Variants in SCARB1 observed in about 807,000 individuals in gnomAD.
SCARB1 encodes CD36 and LIMPII analogous 1.
Under a neutral mutation model 57.2 loss-of-function variants are expected in SCARB1, and 30 were observed. That is an observed-to-expected ratio of 0.52 (90% confidence interval 0.39 to 0.71). The LOEUF (loss-of-function observed/expected upper bound fraction) is 0.71, where lower values mean the gene tolerates loss of function less well. Among genes scored for constraint, SCARB1 ranks in the 30% least tolerant of loss-of-function variants. The pLI is 0.00. For synonymous variants in SCARB1, 249 were observed against 268.3 expected (o/e 0.93, Z 0.70); for missense variants, 543 against 671.2 (o/e 0.81, Z 2.11).
At chr12:124,790,732 A>C (rs1295246135) in intron 9 of SCARB1, among the ~76,000 whole-genome samples, 2 of 152,162 alleles carry the variant, frequency 1.3e-5, no homozygotes, top group Non-Finnish European at 2.9e-5. Flanking sequence ...TCTAGCAGAA[A>C]AGGCAGTGTG....
Position 124,812,810 on chromosome 12 carries a change from ATCCCGGGTGTG to A in SCARB1, c.631-856_631-846del, listed in dbSNP as rs1187183918. Reference sequence around the variant, plus strand: ...ACCCAGCACAAGGCCCCAGCCCAGCATCCCGGGTGTGTCTGTCACGTGCCCATGTGGAGCCA... The same window carrying A: ...ACCCAGCACAAGGCCCCAGCCCAGCATCTGTCACGTGCCCATGTGGAGCCA... On this transcript the variant is annotated intron_variant, in intron 4 of 12. Coordinates refer to ENST00000261693, the MANE Select transcript of SCARB1 (RefSeq NM_005505.5). The surrounding 1 kb of genome is among the most constrained non-coding windows in gnomAD (Gnocchi z 4.3). Among the ~76,000 whole-genome samples the A allele has an allele frequency of 1.3e-5, 2 of 152,144 alleles. No homozygotes were observed. Among genetic ancestry groups the A allele is most frequent in the African/African-American group, 4.8e-5 (2 of 41,434 alleles).
Position 124,809,704 on chromosome 12 carries a change from C to T in SCARB1, c.842+470G>A, listed in dbSNP as rs532385775. On this transcript the variant is annotated intron_variant, in intron 6 of 12. Coordinates refer to ENST00000261693, the MANE Select transcript of SCARB1 (RefSeq NM_005505.5). The stretch of plus-strand genomic sequence containing the variant: ...TTTCCAGAGTGACCAGAATGGAACA[C>T]GACACAGCAAGGCCTCCAGAAAAGG... Among the ~76,000 whole-genome samples the T allele has an allele frequency of 4.6e-5, 7 of 152,276 alleles. No individual in the cohort carries two copies. The South Asian group carries it at 8.3e-4, about 18-fold the overall frequency.
intron 1 of SCARB1, among the ~76,000 whole-genome samples, chr12:124,834,075 G>A (rs570960005): frequency 1.2e-4 from 19 of 152,306 alleles, no homozygotes; most frequent in East Asian, 5.8e-4. Context: ...AACACAAACC[G>A]AGGCCCGCCC....
intron 9 of SCARB1, among the ~76,000 whole-genome samples, chr12:124,794,400 C>CTTTT (rs3043265): frequency 7.5e-5 from 9 of 119,862 alleles, no homozygotes; most frequent in African/African-American, 9.9e-5. Flanking sequence ...TTGAAAAATT[C>CTTTT]TTTTTTTTTT....
At chr12:124,788,585 G>T (rs1261922296) in intron 9 of SCARB1, among the ~76,000 whole-genome samples, 1 of 152,224 alleles carries the variant, frequency 6.6e-6, no homozygotes, top group Non-Finnish European at 1.5e-5. Context: ...GAAGCCATGT[G>T]TTGGGAAAAT....
In SCARB1 at chr12:124,796,832, G is replaced by A. The variant is rs778478664; in HGVS notation, c.1129-1564C>T. 2.6e-5 allele frequency among the ~76,000 whole-genome samples: 4 copies of A among 152,320 alleles called. No homozygotes were observed. Among genetic ancestry groups the A allele is most frequent in the South Asian group, 2.1e-4 (1 of 4,828 alleles). ...TGGTGGGATGGGCATGAGATCACCC[G>A]TGAGTAGAACAGAGTTCACGCCACA... On this transcript the variant is annotated intron_variant, in intron 8 of 12. Transcript: ENST00000261693. The surrounding 1 kb of genome is among the most constrained non-coding windows in gnomAD (Gnocchi z 4.0).
rs963651333 is a variant in SCARB1, at chr12:124,812,157, C to T, written c.631-192G>A. ...GGGAGCTTTCTAGGAGGAATGGTCC[C>T]GGGTTCTGTGGCTGCAGTGTTCCAC... On this transcript the variant is annotated intron_variant, in intron 4 of 12. Transcript: ENST00000261693. This position sits in a 1 kb window ranked among gnomAD's most constrained non-coding sequence, Gnocchi z 4.3. Among the ~76,000 whole-genome samples, 1 of 152,154 alleles carries T rather than the reference C, an allele frequency of 6.6e-6. No individual in the cohort carries two copies. Among genetic ancestry groups the T allele is most frequent in the African/African-American group, 2.4e-5 (1 of 41,416 alleles).
At chr12:124,802,007 G>A (rs1371152613) in intron 7 of SCARB1, among the ~76,000 whole-genome samples, 3 of 151,500 alleles carry the variant, frequency 2.0e-5, no homozygotes, top group African/African-American at 4.9e-5. Flanking sequence ...AAAATTAGCC[G>A]GGCCTGGTGG....
At chr12:124,790,638 G>A (rs575963549) in intron 9 of SCARB1, among the ~76,000 whole-genome samples, 1 of 152,338 alleles carries the variant, frequency 6.6e-6, no homozygotes, top group East Asian at 1.9e-4. Context: ...AAAAGGAAAT[G>A]AATACAGCAA....
chr12:124,790,117 G>A (rs1394494904), intron 9 of SCARB1, among the ~76,000 whole-genome samples: 2 of 152,148 alleles, frequency 1.3e-5, no homozygotes, highest in Non-Finnish European at 2.9e-5. Context: ...GTTCACGCCT[G>A]TAATCCCAGC....
rs1364810518 is a variant in SCARB1, at chr12:124,817,749, A to AG, written c.127-43dup. The AG allele has an allele frequency of 6.2e-7, 1 of 1,610,442 alleles. No individual in the cohort carries two copies. The highest frequency in any genetic ancestry group is 2.2e-5 in the East Asian group (1 of 44,848). On this transcript the variant is annotated intron_variant, in intron 1 of 12. Coordinates refer to ENST00000261693, the MANE Select transcript of SCARB1 (RefSeq NM_005505.5). The surrounding 1 kb of genome is among the most constrained non-coding windows in gnomAD (Gnocchi z 4.8). The stretch of plus-strand genomic sequence containing the variant: ...AAGTACGCTTGTGAGGAGAGTGATG[A>AG]GGGCCCCACGCCCCACCACAAGGCT...
chr12:124,829,373 A>G (rs1951295173), intron 1 of SCARB1, among the ~76,000 whole-genome samples: 1 of 151,742 alleles, frequency 6.6e-6, no homozygotes, highest in Non-Finnish European at 1.5e-5. Context: ...TTCTCCCCAC[A>G]GAATCCAAGT....
At chr12:124,801,950 C>T (rs914504642) in intron 7 of SCARB1, among the ~76,000 whole-genome samples, 1 of 151,470 alleles carries the variant, frequency 6.6e-6, no homozygotes, top group Non-Finnish European at 1.5e-5. Context: ...TGGGAGTTCA[C>T]GACCAGCCTG....
chr12:124,811,749 A>G (rs1950535771), intron 5 of SCARB1, 121 bp downstream of exon 5: 1 of 723,736 alleles, frequency 1.4e-6, no homozygotes, highest in Admixed American at 2.0e-5. Context: ...TCATCCTCCC[A>G]GCACCCTCTT....
rs527612368 is a variant in SCARB1 at position 124,807,819 on chromosome 12, G to A, written c.951C>T (p.Asn317=). 2.2e-5 allele frequency: 35 copies of A among 1,614,148 alleles called. No homozygotes were observed. Among genetic ancestry groups the A allele is most frequent in the South Asian group, 2.0e-4 (18 of 91,088 alleles). ...ACTCCAGGCACGGGCAGAAGCCTTC[G>A]TTGGGTGGGTAGATGGACCCGTTGG... ...LFANGSIYPP[N]EGFCPCLESG... is the part of the protein sequence containing the mutation. Residue 317 remains asparagine, a synonymous_variant, in exon 7 of 13, where the codon AAC becomes AAT. Coordinates refer to ENST00000261693, the MANE Select transcript of SCARB1 (RefSeq NM_005505.5). The surrounding 1 kb of genome is among the most constrained non-coding windows in gnomAD (Gnocchi z 5.3).
Position 124,812,656 on chromosome 12 carries a change from A to G in SCARB1, c.631-691T>C, listed in dbSNP as rs1950569641. On this transcript the variant is annotated intron_variant, in intron 4 of 12. Coordinates refer to ENST00000261693, the MANE Select transcript of SCARB1 (RefSeq NM_005505.5). The surrounding 1 kb of genome is among the most constrained non-coding windows in gnomAD (Gnocchi z 4.3). ...GAAGCTGGTTTCTAATCCCAAAGAC[A>G]TGCAAAGCACAAAGTGGTATGAGTG... 6.6e-6 allele frequency among the ~76,000 whole-genome samples: 1 copy of G among 152,208 alleles called. No homozygotes were observed. Among genetic ancestry groups the G allele is most frequent in the Non-Finnish European group, 1.5e-5 (1 of 68,026 alleles).
At chr12:124,801,343 A>G (rs978633891) in intron 7 of SCARB1, among the ~76,000 whole-genome samples, 2 of 152,216 alleles carry the variant, frequency 1.3e-5, no homozygotes, top group African/African-American at 4.8e-5. Flanking sequence ...TTGGGGTGAC[A>G]GAAATGTTCT....
In SCARB1 at chr12:124,815,018, G is replaced by A. The variant is rs750900247; in HGVS notation, c.381C>T (p.His127=). ...RTFQFQPSKS[H]GSESDYIVMP... is the part of the protein sequence containing the mutation. ...TGACGATGTAGTCGCTCTCCGAGCC[G>A]TGGGACTTGGAGGGCTGGAACTGGA... The change falls in exon 3 of 13, where the codon CAC becomes CAT. Residue 127 remains histidine, a synonymous_variant. Transcript: ENST00000261693. 42 of 1,614,134 alleles carry A rather than the reference G, an allele frequency of 2.6e-5. No homozygotes were observed. The highest frequency in any genetic ancestry group is 1.6e-4 in the Middle Eastern group (1 of 6,084).
At chr12:124,835,223 C>T (rs1951590325) in intron 1 of SCARB1, among the ~76,000 whole-genome samples, 1 of 151,964 alleles carries the variant, frequency 6.6e-6, no homozygotes, top group African/African-American at 2.4e-5. Context: ...GTTACAGGGC[C>T]CGTGACCATC....
Sources: gnomAD v4.1 joint callset for allele counts (sites outside exome capture counted in the v4.1 genomes callset) on GRCh38, gnomAD v4.1.1 for gene constraint, Gnocchi (gnomAD v3.1) non-coding constraint, MANE v1.5 for transcripts, NCBI Gene and HGNC (gene_info 2026-07-23, HGNC 2026-07-21) for gene names.